Variants in SEMA3C observed in about 807,000 individuals in gnomAD.
The protein encoded by SEMA3C is semaphorin-3C.
A neutral mutation model predicts 89.4 loss-of-function variants in SEMA3C; 47 were observed. The observed-to-expected ratio is 0.53, with a 90% confidence interval of 0.42 to 0.67. The LOEUF is 0.67. SEMA3C is among the 30% of genes least tolerant of loss of function. SEMA3C has a pLI of 0.00. For missense variants in SEMA3C, 839 were observed against 929.1 expected, an observed-to-expected ratio of 0.90 and a Z score of 1.26; for synonymous variants, 310 against 320.2, an observed-to-expected ratio of 0.97 and a Z score of 0.34.
chr7:80,875,504 G>A (rs7806419), intron 2 of SEMA3C, among the ~76,000 whole-genome samples: 2,136 of 152,080 alleles, frequency 0.014, 48 homozygotes, highest in African/African-American at 0.049. Flanking sequence ...GGTTTCAGTC[G>A]CCCTTAGTCA....
At chr7:80,850,345 T>C (rs1036701728) in intron 2 of SEMA3C, among the ~76,000 whole-genome samples, 4 of 152,186 alleles carry the variant, frequency 2.6e-5, no homozygotes, top group African/African-American at 9.7e-5. Context: ...GTCTTATTCA[T>C]GATAGTTCTA....
intron 6 of SEMA3C, among the ~76,000 whole-genome samples, chr7:80,808,161 A>G (rs1170024196): frequency 6.6e-6 from 1 of 152,202 alleles, no homozygotes; most frequent in Non-Finnish European, 1.5e-5. Flanking sequence ...ATGACTTAAG[A>G]TAATTTAGCA....
intron 2 of SEMA3C, among the ~76,000 whole-genome samples, chr7:80,861,614 G>T (rs1790773059): frequency 3.9e-5 from 6 of 152,130 alleles, no homozygotes; most frequent in Admixed American, 3.3e-4. Flanking sequence ...GCCTTTAGAA[G>T]ACTGATCTCA....
At chr7:80,915,730 G>A (rs1235359175) in intron 2 of SEMA3C, 3 of 121,988 alleles carry the variant, frequency 2.5e-5, no homozygotes, top group African/African-American at 1.0e-4. Flanking sequence ...GACAGCGTGA[G>A]ACACTGTCTC....
At chr7:80,877,493 A>G (rs1408422164) in intron 2 of SEMA3C, among the ~76,000 whole-genome samples, 3 of 152,224 alleles carry the variant, frequency 2.0e-5, no homozygotes, top group Admixed American at 2.0e-4. Context: ...TGTAAAGATT[A>G]ATCTCAAGTG....
In SEMA3C at chr7:80,871,064, C is replaced by A. The variant is rs543004541; in HGVS notation, c.104-42319G>T. ...AGTTTCTGGCTGTAAATTTGTCATG[C>A]CTTACTAATGAGCTAAATTGTGTTT... is the stretch of plus-strand genomic sequence containing the variant. On this transcript the variant is annotated intron_variant, in intron 2 of 17. Coordinates refer to ENST00000265361, the MANE Select transcript of SEMA3C (RefSeq NM_006379.5). Among the ~76,000 whole-genome samples, 7 of 152,256 alleles carry A rather than the reference C, an allele frequency of 4.6e-5. No individual in the cohort carries two copies. In the East Asian group the frequency reaches 1.4e-3, roughly 29 times the overall value.
intron 4 of SEMA3C, among the ~76,000 whole-genome samples, chr7:80,824,000 A>C (rs1789814422): frequency 6.6e-6 from 1 of 152,146 alleles, no homozygotes; most frequent in Non-Finnish European, 1.5e-5. Flanking sequence ...TTTCTTTAAA[A>C]ACGTTAGTTT....
At chr7:80,755,341 C>T (rs1179609061) in intron 15 of SEMA3C, among the ~76,000 whole-genome samples, 2 of 148,858 alleles carry the variant, frequency 1.3e-5, no homozygotes, top group African/African-American at 5.0e-5. Context: ...TGAGCTAGCC[C>T]ATATTGAGCA....
At chr7:80,748,413 A>G (rs1188847898) in intron 17 of SEMA3C, among the ~76,000 whole-genome samples, 1 of 152,182 alleles carries the variant, frequency 6.6e-6, no homozygotes, top group Non-Finnish European at 1.5e-5. Flanking sequence ...TTACCTAACC[A>G]AAGCACAAGA....
chr7:80,871,648 A>G (rs1279372416), intron 2 of SEMA3C, among the ~76,000 whole-genome samples: 1 of 152,186 alleles, frequency 6.6e-6, no homozygotes, highest in African/African-American at 2.4e-5. Context: ...CCAATAATGG[A>G]ACACTGGGCA....
intron 2 of SEMA3C, among the ~76,000 whole-genome samples, chr7:80,875,648 G>C (rs1179898248): frequency 6.6e-6 from 1 of 151,948 alleles, no homozygotes. Flanking sequence ...ACATGCTTTT[G>C]TCGAGCATAT....
intron 13 of SEMA3C, among the ~76,000 whole-genome samples, chr7:80,762,827 A>T (rs1357672462): frequency 1.3e-5 from 2 of 152,220 alleles, no homozygotes; most frequent in Non-Finnish European, 2.9e-5. Flanking sequence ...AATAATAATA[A>T]TAATTAGACT....
At chr7:80,814,594 C>G (rs144011133) in intron 5 of SEMA3C, among the ~76,000 whole-genome samples, 4 of 151,988 alleles carry the variant, frequency 2.6e-5, no homozygotes, top group Admixed American at 1.3e-4. Flanking sequence ...TTATATTTAA[C>G]GGCCTACTTG....
At chr7:80,878,480 T>C (rs1169198481) in intron 2 of SEMA3C, among the ~76,000 whole-genome samples, 1 of 152,142 alleles carries the variant, frequency 6.6e-6, no homozygotes, top group Non-Finnish European at 1.5e-5. Flanking sequence ...TTATAAGCTA[T>C]AAAGGACAAA....
At chr7:80,746,180 A>G (rs921514197) in intron 17 of SEMA3C, among the ~76,000 whole-genome samples, 2 of 152,132 alleles carry the variant, frequency 1.3e-5, no homozygotes, top group Admixed American at 1.3e-4. Context: ...TAGATAATGC[A>G]CGTTAAATGT....
chr7:80,793,910 G>A (rs1789002121), intron 11 of SEMA3C, among the ~76,000 whole-genome samples: 1 of 150,368 alleles, frequency 6.7e-6, no homozygotes, highest in African/African-American at 2.4e-5. Flanking sequence ...AAGGGTCTTG[G>A]TGGCACTCTA....
upstream of SEMA3C, chr7:80,922,385 T>A: frequency 1.0e-6 from 1 of 963,714 alleles, no homozygotes; most frequent in Non-Finnish European, 1.4e-6. Flanking sequence ...CAACTTCCAA[T>A]GGTTACTTAC....
At chr7:80,798,048 T>G in intron 11 of SEMA3C, 44 bp downstream of exon 11, 3 of 1,562,366 alleles carry the variant, frequency 1.9e-6, no homozygotes, top group Non-Finnish European at 2.6e-6. Flanking sequence ...GTTAAATGAG[T>G]TTTTATAAAG....
At chr7:80,909,024 G>T (rs1200329380) in intron 2 of SEMA3C, among the ~76,000 whole-genome samples, 2 of 152,008 alleles carry the variant, frequency 1.3e-5, no homozygotes, top group African/African-American at 4.8e-5. Flanking sequence ...ATACACTTAG[G>T]AAAGACTAAA....
Sources: gnomAD v4.1 joint callset for allele counts (sites outside exome capture counted in the v4.1 genomes callset) on GRCh38, gnomAD v4.1.1 for gene constraint, MANE v1.5 for transcripts, NCBI Gene and HGNC (gene_info 2026-07-23, HGNC 2026-07-21) for gene names.